The following NT5C2 variants were observed in gnomAD, a reference collection of about 807,000 sequenced individuals.
The protein encoded by NT5C2 is cytosolic purine 5'-nucleotidase.
A neutral mutation model predicts 76.1 loss-of-function variants in NT5C2; 58 were observed. The observed-to-expected ratio is 0.76, with a 90% CI of 0.62 to 0.95. The LOEUF is 0.95. NT5C2 is among the 40% of genes least tolerant of loss of function. The pLI is 0.00. For missense variants in NT5C2, 478 were observed against 690.3 expected (o/e 0.69, Z 3.45); for synonymous variants, 229 against 237.4 (o/e 0.96, Z 0.32).
intron 10 of NT5C2, 133 bp from the exon 11 acceptor site, chr10:103,097,507 T>C: frequency 1.4e-6 from 1 of 693,716 alleles, no homozygotes; most frequent in Non-Finnish European, 2.5e-6. Flanking sequence ...TTCAGAATTT[T>C]GCACTTAAAA....
At chr10:103,134,754 C>T (rs936231531) in intron 4 of NT5C2, among the ~76,000 whole-genome samples, 2 of 152,214 alleles carry the variant, frequency 1.3e-5, no homozygotes, top group African/African-American at 4.8e-5. Context: ...ACACCCAACA[C>T]CAGCCTGTGA....
chr10:103,149,909 C>T (rs981650168), intron 3 of NT5C2, among the ~76,000 whole-genome samples: 2 of 149,298 alleles, frequency 1.3e-5, no homozygotes, highest in African/African-American at 4.9e-5. Context: ...CTAATTCAAT[C>T]ATGACACTGC....
intron 3 of NT5C2, chr10:103,146,089 T>G: frequency 1.0e-6 from 1 of 985,456 alleles, no homozygotes. Context: ...AACTAGTTCT[T>G]GAAGTCACAT....
At chr10:103,126,646 AC>A (rs1427923058) in intron 4 of NT5C2, among the ~76,000 whole-genome samples, 3 of 152,102 alleles carry the variant, frequency 2.0e-5, no homozygotes, top group Non-Finnish European at 4.4e-5. Flanking sequence ...AAACAAAAAA[AC>A]ATAGTCCACT....
At chr10:103,145,173 T>C (rs2081260098) in intron 3 of NT5C2, among the ~76,000 whole-genome samples, 1 of 152,194 alleles carries the variant, frequency 6.6e-6, no homozygotes, top group African/African-American at 2.4e-5. Flanking sequence ...TATTTGGCTA[T>C]ATATTCCACA....
At chr10:103,115,166 C>G (rs571918171) in intron 4 of NT5C2, among the ~76,000 whole-genome samples, 14 of 152,268 alleles carry the variant, frequency 9.2e-5, no homozygotes, top group African/African-American at 3.4e-4. Flanking sequence ...TTTGGGAGGC[C>G]GAGGCAGGTG....
chr10:103,102,111 G>A (rs1331837591), intron 6 of NT5C2, among the ~76,000 whole-genome samples: 2 of 152,140 alleles, frequency 1.3e-5, no homozygotes, highest in African/African-American at 4.8e-5. Context: ...AAGACAATGT[G>A]ATGCACTCCA....
intron 4 of NT5C2, among the ~76,000 whole-genome samples, chr10:103,121,553 A>G (rs2075676324): frequency 6.6e-6 from 1 of 152,208 alleles, no homozygotes; most frequent in South Asian, 2.1e-4. Flanking sequence ...ATAAAACAAG[A>G]TCAGAGTGCA....
At chr10:103,177,969 C>A (rs1423171032) in intron 2 of NT5C2, among the ~76,000 whole-genome samples, 1 of 152,216 alleles carries the variant, frequency 6.6e-6, no homozygotes, top group Non-Finnish European at 1.5e-5. Context: ...AACAACCAAT[C>A]TGGACTCTGT....
intron 2 of NT5C2, 141 bp downstream of exon 2, chr10:103,181,044 G>A (rs975292346): frequency 3.3e-5 from 5 of 152,258 alleles, no homozygotes; most frequent in African/African-American, 1.2e-4. Flanking sequence ...GTACGGAGAG[G>A]AGGAGGTATT....
intron 3 of NT5C2, among the ~76,000 whole-genome samples, chr10:103,173,268 C>G (rs1002887298): frequency 2.6e-5 from 4 of 152,102 alleles, no homozygotes; most frequent in African/African-American, 9.7e-5. Flanking sequence ...CCAGCAGACA[C>G]AATTTTTAAA....
intron 3 of NT5C2, among the ~76,000 whole-genome samples, chr10:103,171,062 G>A (rs1244029114): frequency 6.6e-6 from 1 of 151,958 alleles, no homozygotes; most frequent in African/African-American, 2.4e-5. Context: ...GCCATACCTA[G>A]CAACATATCT....
At chr10:103,162,686 C>T (rs2085235628) in intron 3 of NT5C2, among the ~76,000 whole-genome samples, 1 of 152,064 alleles carries the variant, frequency 6.6e-6, no homozygotes, top group South Asian at 2.1e-4. Context: ...CCCAGCAATT[C>T]CATTCCTGGG....
intron 1 of NT5C2, among the ~76,000 whole-genome samples, chr10:103,182,622 A>G (rs2091278812): frequency 6.6e-6 from 1 of 151,872 alleles, no homozygotes; most frequent in Admixed American, 6.6e-5. Context: ...GTGACAGAGC[A>G]AGACTCCATC....
Position 103,090,996 on chromosome 10 carries a change from C to T in NT5C2, c.1212G>A (p.Lys404=). 1 of 1,612,744 alleles carries T rather than the reference C, an allele frequency of 6.2e-7. No individual in the cohort carries two copies. Among genetic ancestry groups the T allele is most frequent in the Non-Finnish European group, 8.5e-7 (1 of 1,179,542 alleles). Residue 404 remains lysine (K), a splice_region_variant and synonymous_variant, in exon 17 of 19, where the codon AAG becomes AAA. Coordinates refer to ENST00000404739, the MANE Select transcript of NT5C2 (RefSeq NM_001351169.2). ...GCTCATTGCTACTGCTGTCAAGATG[C>T]CTAAAGATAAAAGAAAAACTCAGTG... is the stretch of plus-strand genomic sequence containing the variant. ...SLDIFLAELY[K]HLDSSSNERP...
At chr10:103,162,533 CTT>C (rs1263818751) in intron 3 of NT5C2, among the ~76,000 whole-genome samples, 3 of 152,112 alleles carry the variant, frequency 2.0e-5, no homozygotes, top group Admixed American at 6.5e-5. Flanking sequence ...ACTAGAATAA[CTT>C]TTAAATTAAA....
chr10:103,128,947 C>G (rs1439327411), intron 4 of NT5C2, among the ~76,000 whole-genome samples: 1 of 106,980 alleles, frequency 9.3e-6, no homozygotes, highest in East Asian at 3.7e-4. Context: ...CATCTCCGCC[C>G]GGCAGCCACC....
chr10:103,157,997 C>T (rs569080696), intron 3 of NT5C2, among the ~76,000 whole-genome samples: 7 of 151,818 alleles, frequency 4.6e-5, no homozygotes, highest in South Asian at 2.1e-4. Context: ...CGCTTGAACC[C>T]GGGAGGTGGA....
intron 3 of NT5C2, among the ~76,000 whole-genome samples, chr10:103,157,275 A>G (rs565484240): frequency 5.9e-5 from 9 of 152,138 alleles, no homozygotes; most frequent in Non-Finnish European, 1.3e-4. Flanking sequence ...TAAAAAACAC[A>G]AAGTCTAAGC....
Sources: gnomAD v4.1 joint callset for allele counts (sites outside exome capture counted in the v4.1 genomes callset) on GRCh38, gnomAD v4.1.1 for gene constraint, MANE v1.5 for transcripts, NCBI Gene and HGNC (gene_info 2026-07-23, HGNC 2026-07-21) for gene names.